STX3: variants seen among roughly 807,000 people sequenced by gnomAD.
The protein encoded by STX3 is syntaxin 3.
STX3 carries 19 observed loss-of-function variants against 40.2 expected under a neutral mutation model. The ratio of observed to expected loss-of-function variants is 0.47; its 90% confidence interval spans 0.33 to 0.69. The LOEUF (loss-of-function observed/expected upper bound fraction) is 0.69, where lower values mean the gene tolerates loss of function less well. STX3 is among the 30% of genes least tolerant of loss of function. The pLI is 0.02. For missense variants in STX3, 364 were observed against 366.7 expected, an observed-to-expected ratio of 0.99 and a Z score of 0.06; for synonymous variants, 122 against 132.2, an observed-to-expected ratio of 0.92 and a Z score of 0.53.
intron 8 of STX3, among the ~76,000 whole-genome samples, chr11:59,794,076 T>C (rs1590823376): frequency 1.3e-5 from 2 of 150,670 alleles, no homozygotes; most frequent in African/African-American, 4.9e-5. Flanking sequence ...TAAATTTTTA[T>C]TTTTTTCCAT....
At chr11:59,763,425 A>G (rs1403699938) in intron 1 of STX3, among the ~76,000 whole-genome samples, 1 of 152,122 alleles carries the variant, frequency 6.6e-6, no homozygotes, top group Non-Finnish European at 1.5e-5. Flanking sequence ...TGGAGAAGCA[A>G]AAGCAGGTAG....
Position 59,803,761 on chromosome 11 carries a change from G to A in STX3, c.*2937G>A, listed in dbSNP as rs955664505. On this transcript the variant is annotated 3_prime_UTR_variant, in exon 11 of 11. Transcript: ENST00000337979. ...GTAGTCCTTTACCCCGGGTAAGAGG[G>A]ATTTGGTGATCCCAGCCACGAACAC... 2.0e-5 allele frequency: 3 copies of A among 152,782 alleles called. No homozygotes were observed. The highest frequency in any genetic ancestry group is 2.0e-4 in the Admixed American group (3 of 15,288). 9.5% of individuals were successfully genotyped at this position (152,782 alleles called of 1,614,324 possible).
chr11:59,771,392 G>GGCC (rs1863620232), intron 1 of STX3, among the ~76,000 whole-genome samples: 1 of 49,130 alleles, frequency 2.0e-5, no homozygotes. Flanking sequence ...TTTGCCCCCC[G>GGCC]TCCCCCCACC....
At chr11:59,765,286 A>T (rs954705127) in intron 1 of STX3, among the ~76,000 whole-genome samples, 1 of 152,124 alleles carries the variant, frequency 6.6e-6, no homozygotes, top group Non-Finnish European at 1.5e-5. Context: ...CACATAGGAA[A>T]CAGAGAGCAT....
At chr11:59,777,603 A>G (rs553307169) in intron 2 of STX3, among the ~76,000 whole-genome samples, 25 of 148,534 alleles carry the variant, frequency 1.7e-4, no homozygotes, top group Non-Finnish European at 2.8e-4. Context: ...AGCAACAAAG[A>G]TATGTAATTA....
chr11:59,781,469 C>CT (rs1437635995), intron 2 of STX3: 20 of 1,613,544 alleles, frequency 1.2e-5, no homozygotes, highest in South Asian at 2.2e-5. Context: ...TGCAGACAGT[C>CT]TGAGTTTTTC....
chr11:59,782,157 A>C (rs973219317), intron 2 of STX3, among the ~76,000 whole-genome samples: 2 of 152,234 alleles, frequency 1.3e-5, no homozygotes, highest in African/African-American at 4.8e-5. Context: ...GGAAGAGGCC[A>C]TCCAGATCTC....
chr11:59,759,980 A>G (rs1431410264), intron 1 of STX3, among the ~76,000 whole-genome samples: 1 of 152,186 alleles, frequency 6.6e-6, no homozygotes, highest in Non-Finnish European at 1.5e-5. Flanking sequence ...TTCTCTAGTC[A>G]TAAAATTTCA....
chr11:59,765,429 T>C (rs1387595961), intron 1 of STX3, among the ~76,000 whole-genome samples: 1 of 152,056 alleles, frequency 6.6e-6, no homozygotes, highest in East Asian at 1.9e-4. Flanking sequence ...CCTTTGTAAG[T>C]GGTGGTGTTT....
At chr11:59,792,685 A>G (rs901724691) in intron 6 of STX3, among the ~76,000 whole-genome samples, 7 of 152,148 alleles carry the variant, frequency 4.6e-5, no homozygotes, top group African/African-American at 1.7e-4. Flanking sequence ...GATGAGAGGA[A>G]TGGTATGAAC....
chr11:59,755,321 A>G, upstream of STX3: 1 of 272,450 alleles, frequency 3.7e-6, no homozygotes, highest in Non-Finnish European at 6.8e-6. Context: ...GGGCGCGGCC[A>G]GGTAGGGGCG....
intron 1 of STX3, among the ~76,000 whole-genome samples, chr11:59,757,953 T>C (rs1301087902): frequency 6.6e-6 from 1 of 152,204 alleles, no homozygotes; most frequent in East Asian, 1.9e-4. Flanking sequence ...CTTCTCCCTC[T>C]GATTTCCGTT....
chr11:59,762,650 T>C (rs1004751890), intron 1 of STX3, among the ~76,000 whole-genome samples: 5 of 152,178 alleles, frequency 3.3e-5, no homozygotes, highest in African/African-American at 1.2e-4. Flanking sequence ...TCCTCCTCTC[T>C]GTGTCCTTGA....
At chr11:59,795,706 C>G in intron 9 of STX3, 1 of 1,536,588 alleles carries the variant, frequency 6.5e-7, no homozygotes, top group South Asian at 1.2e-5. Flanking sequence ...AGAGTGAAGC[C>G]CGGAGGGTGA....
In STX3 at chr11:59,790,551, A is replaced by G. The variant is rs1346715215; in HGVS notation, c.322A>G (p.Arg108Gly). 5 of 1,613,982 alleles carry G rather than the reference A, an allele frequency of 3.1e-6. No individual in the cohort carries two copies. The highest frequency in any genetic ancestry group is 2.7e-5 in the African/African-American group (2 of 74,930). Residue 108 changes from arginine to glycine, a missense_variant, in exon 5 of 11, where the codon AGG (arginine) becomes GGG (glycine). Transcript: ENST00000337979. ...GAAGCATATTGAAGAAGATGAGGTC[A>G]GGTCATCGGCAGACCTTCGGATTCG... ...MEKHIEEDEVRSSADLRIRKS... is the reference protein window; with the variant it reads ...MEKHIEEDEVGSSADLRIRKS...
At chr11:59,782,109 T>A (rs1427102692) in intron 2 of STX3, among the ~76,000 whole-genome samples, 1 of 152,232 alleles carries the variant, frequency 6.6e-6, no homozygotes, top group Non-Finnish European at 1.5e-5. Flanking sequence ...CTGCTTTTCC[T>A]TGTTTAATTA....
intron 2 of STX3, among the ~76,000 whole-genome samples, chr11:59,778,005 G>T (rs1864086972): frequency 6.6e-6 from 1 of 152,294 alleles, no homozygotes; most frequent in Admixed American, 6.5e-5. Flanking sequence ...CTGTCAGTCA[G>T]AGCACCTACA....
rs762071450 is a variant in STX3, at chr11:59,795,395, G to A, written c.699G>A (p.Glu233=). 3 of 1,613,412 alleles carry A rather than the reference G, an allele frequency of 1.9e-6. No individual in the cohort carries two copies. The highest frequency in any genetic ancestry group is 3.3e-5 in the Admixed American group (2 of 59,900). The change falls in exon 9 of 11, where the codon GAG becomes GAA. Residue 233 remains glutamate, a synonymous_variant. Transcript: ENST00000337979. ...AGGGTGAGATGTTAGATAACATAGA[G>A]TTGAATGTCATGCACACAGTGGACC... ...ENQGEMLDNI[E]LNVMHTVDHV...
At chr11:59,775,381 G>A (rs1263759260) in intron 2 of STX3, among the ~76,000 whole-genome samples, 4 of 152,204 alleles carry the variant, frequency 2.6e-5, no homozygotes, top group Non-Finnish European at 1.5e-5. Context: ...GATGTTTGAA[G>A]TCTTTCTAGC....
Sources: gnomAD v4.1 joint callset for allele counts (sites outside exome capture counted in the v4.1 genomes callset) on GRCh38, gnomAD v4.1.1 for gene constraint, MANE v1.5 for transcripts, NCBI Gene and HGNC (gene_info 2026-07-23, HGNC 2026-07-21) for gene names.